NR3C2: variants seen among roughly 807,000 people sequenced by gnomAD.
The protein encoded by NR3C2 is nuclear receptor subfamily 3 group C member 2, also known as mineralocorticoid receptor.
A neutral mutation model predicts 86.4 loss-of-function variants in NR3C2; 15 were observed. The observed-to-expected ratio is 0.17, with a 90% CI of 0.12 to 0.27. The LOEUF (loss-of-function observed/expected upper bound fraction) is 0.27, where lower values mean the gene tolerates loss of function less well. Ranked by LOEUF, NR3C2 falls within the 10% of genes least tolerant of loss-of-function variation. The pLI is 1.00. For synonymous variants in NR3C2, 458 were observed against 450.5 expected, an observed-to-expected ratio of 1.02 and a Z score of -0.21; for missense variants, 960 against 1,195.6, an observed-to-expected ratio of 0.80 and a Z score of 2.91.
intron 6 of NR3C2, among the ~76,000 whole-genome samples, chr4:148,144,976 G>A (rs961845231): frequency 6.6e-6 from 1 of 152,198 alleles, no homozygotes; most frequent in Non-Finnish European, 1.5e-5. Context: ...GATCAGGGCA[G>A]GAGAGGTCCC....
chr4:148,200,350 C>T (rs541886078), intron 3 of NR3C2, among the ~76,000 whole-genome samples: 1 of 150,886 alleles, frequency 6.6e-6, no homozygotes, highest in Non-Finnish European at 1.5e-5. Context: ...CACATCCCCA[C>T]CCCCCACACA....
chr4:148,140,601 T>C (rs1733561190), intron 6 of NR3C2, among the ~76,000 whole-genome samples: 1 of 152,210 alleles, frequency 6.6e-6, no homozygotes, highest in Non-Finnish European at 1.5e-5. Flanking sequence ...TATTTTTAGC[T>C]GAAGAGACCA....
chr4:148,311,878 A>T (rs1742919050), intron 2 of NR3C2, among the ~76,000 whole-genome samples: 1 of 152,240 alleles, frequency 6.6e-6, no homozygotes, highest in Non-Finnish European at 1.5e-5. Context: ...TCTGCCTGGA[A>T]TGTTCTTCCC....
intron 8 of NR3C2, among the ~76,000 whole-genome samples, chr4:148,092,844 T>C (rs1731119546): frequency 6.6e-6 from 1 of 152,054 alleles, no homozygotes; most frequent in Non-Finnish European, 1.5e-5. Flanking sequence ...GGGAGGGTGG[T>C]CATAGCGACG....
intron 2 of NR3C2, among the ~76,000 whole-genome samples, chr4:148,402,622 A>G (rs909758808): frequency 1.3e-5 from 2 of 152,204 alleles, no homozygotes; most frequent in African/African-American, 4.8e-5. Flanking sequence ...TTGTATATGA[A>G]CACAACAATC....
intron 2 of NR3C2, among the ~76,000 whole-genome samples, chr4:148,378,715 T>C (rs1436798420): frequency 6.6e-6 from 1 of 152,188 alleles, no homozygotes; most frequent in Non-Finnish European, 1.5e-5. Flanking sequence ...GCTGGGCAAA[T>C]GCTGTCATGC....
At chr4:148,346,714 T>C (rs571655459) in intron 2 of NR3C2, among the ~76,000 whole-genome samples, 112 of 152,280 alleles carry the variant, frequency 7.4e-4, no homozygotes, top group African/African-American at 2.5e-3. Flanking sequence ...TTTATACTGA[T>C]ATGTTGAAAT....
At chr4:148,240,369 C>T (rs970346647) in intron 3 of NR3C2, among the ~76,000 whole-genome samples, 1 of 151,762 alleles carries the variant, frequency 6.6e-6, no homozygotes, top group African/African-American at 2.4e-5. Context: ...TTCAAGTGTT[C>T]AAAAGTCACA....
chr4:148,382,560 T>C (rs1466875908), intron 2 of NR3C2, among the ~76,000 whole-genome samples: 2 of 152,230 alleles, frequency 1.3e-5, no homozygotes, highest in Non-Finnish European at 2.9e-5. Flanking sequence ...GTGGGAGTTA[T>C]GAAAGGTATC....
chr4:148,175,639 A>G (rs1011047216), intron 4 of NR3C2, among the ~76,000 whole-genome samples: 8 of 152,328 alleles, frequency 5.3e-5, no homozygotes, highest in African/African-American at 1.9e-4. Context: ...TATCTAATTA[A>G]CATATGAAAA....
chr4:148,163,426 C>A (rs1269449419), intron 4 of NR3C2, among the ~76,000 whole-genome samples: 5 of 152,128 alleles, frequency 3.3e-5, no homozygotes, highest in Non-Finnish European at 7.4e-5. Context: ...AGGAATAAAT[C>A]CCTTATATTT....
chr4:148,169,175 G>A (rs4835490), intron 4 of NR3C2, among the ~76,000 whole-genome samples: 22,746 of 152,086 alleles, frequency 0.15, 1,880 homozygotes, highest in Middle Eastern at 0.29. Flanking sequence ...ACTGTACATG[G>A]CCTAAACTCA....
chr4:148,260,235 T>C, intron 2 of NR3C2, 118 bp from the exon 3 acceptor site: 3 of 1,255,924 alleles, frequency 2.4e-6, no homozygotes, highest in African/African-American at 3.0e-5. Context: ...CAGTGTGTAA[T>C]GACCACATAC....
chr4:148,328,709 T>G (rs925109601), intron 2 of NR3C2, among the ~76,000 whole-genome samples: 2 of 152,246 alleles, frequency 1.3e-5, no homozygotes, highest in African/African-American at 4.8e-5. Flanking sequence ...CAGAACTGTA[T>G]TCAACTCTCA....
chr4:148,097,746 TTTTTG>T (rs1162510665), intron 8 of NR3C2, among the ~76,000 whole-genome samples: 2 of 113,634 alleles, frequency 1.8e-5, no homozygotes, highest in African/African-American at 1.1e-4. Context: ...TTTGCGTTTT[TTTTTG>T]TTTTTTTTTT....
At chr4:148,125,805 G>A (rs1226146422) in intron 6 of NR3C2, among the ~76,000 whole-genome samples, 1 of 152,120 alleles carries the variant, frequency 6.6e-6, no homozygotes, top group Admixed American at 6.5e-5. Flanking sequence ...AAAAAGAAAA[G>A]AGAACAGTTA....
chr4:148,432,478 T>G (rs192137754), intron 2 of NR3C2, among the ~76,000 whole-genome samples: 3 of 152,262 alleles, frequency 2.0e-5, no homozygotes, highest in Admixed American at 6.5e-5. Context: ...GGGTGGATAT[T>G]TTAACAAAGC....
At chr4:148,344,255 T>G (rs1250219758) in intron 2 of NR3C2, among the ~76,000 whole-genome samples, 4 of 152,164 alleles carry the variant, frequency 2.6e-5, no homozygotes, top group Non-Finnish European at 2.9e-5. Flanking sequence ...TACTCAAATG[T>G]ATTCCTTATA....
intron 2 of NR3C2, among the ~76,000 whole-genome samples, chr4:148,289,697 G>A (rs1741707100): frequency 6.6e-6 from 1 of 152,128 alleles, no homozygotes; most frequent in Non-Finnish European, 1.5e-5. Context: ...CTAACTAATA[G>A]AACAGAGCAA....
Sources: allele counts gnomAD v4.1 joint callset (sites outside exome capture counted in the v4.1 genomes callset), GRCh38; gene constraint gnomAD v4.1.1; transcripts MANE v1.5; gene names NCBI Gene and HGNC (gene_info 2026-07-23, HGNC 2026-07-21).